GAS2L1: variants seen among roughly 807,000 people sequenced by gnomAD.
The protein encoded by GAS2L1 is GAS2-like protein 1.
Under a neutral mutation model 44.0 loss-of-function variants are expected in GAS2L1, and 26 were observed. The observed-to-expected ratio is 0.59, with a 90% CI of 0.43 to 0.82. GAS2L1 has a LOEUF of 0.82. Among genes scored for constraint, GAS2L1 ranks in the 40% least tolerant of loss-of-function variants. The pLI is 0.00. For missense variants in GAS2L1, 1,006 were observed against 983.0 expected (o/e 1.02, Z -0.31); for synonymous variants, 426 against 415.9 (o/e 1.02, Z -0.30).
chr22:29,310,327 C>T, intron 1 of GAS2L1, 112 bp from the exon 3 acceptor site: 1 of 679,966 alleles, frequency 1.5e-6, no homozygotes, highest in Non-Finnish European at 2.7e-6. Flanking sequence ...GCAACACTGC[C>T]TCCATCCACT....
At position 29,310,925 on chromosome 22, in the gene GAS2L1, C is replaced by T. The variant is rs757054075; in HGVS notation, c.937C>T (p.Arg313Cys). ...TGCTAGCCCAGTCCCTGGGAGTGAG[C>T]GCCGGGGCTCCCGGCCTGAGATGAC... is the stretch of plus-strand genomic sequence containing the variant. Residue 313 changes from arginine to cysteine, a missense_variant, in exon 4 of 5, where the codon CGC becomes TGC. By Grantham distance (180) the Arg-to-Cys change is radical. Coordinates refer to ENST00000618518, the Ensembl canonical transcript of GAS2L1. 1.4e-5 allele frequency: 23 copies of T among 1,613,506 alleles called. No individual in the cohort carries two copies. In the East Asian group the frequency reaches 4.0e-4, roughly 28 times the overall value.
At chr22:29,310,313 C>T (rs534491556) in intron 1 of GAS2L1, 126 bp from the exon 3 acceptor site, 23 of 650,762 alleles carry the variant, frequency 3.5e-5, no homozygotes, top group Admixed American at 1.3e-4. Flanking sequence ...GTACCCCATC[C>T]GGGGCAACAC....
exon 5 of GAS2L1, chr22:29,312,294 C>G: frequency 6.2e-7 from 1 of 1,608,820 alleles, no homozygotes; most frequent in Non-Finnish European, 8.5e-7. Flanking sequence ...GGGGGGGCCA[C>G]TAGATGCACC....
exon 5 of GAS2L1, chr22:29,312,033 A>T (rs1313478121): frequency 6.2e-7 from 1 of 1,612,412 alleles, no homozygotes; most frequent in East Asian, 2.2e-5. Flanking sequence ...GTTCCTGGCC[A>T]ATGCCCGGGC....
At chr22:29,311,587 G>C (rs746295461) in exon 5 of GAS2L1, 1 of 1,540,986 alleles carries the variant, frequency 6.5e-7, no homozygotes, top group South Asian at 1.2e-5. Flanking sequence ...ACTGGCCCCC[G>C]GAGGGAGCGA....
chr22:29,310,723 G>C (rs1331072959), exon 3 of GAS2L1: 13 of 1,609,194 alleles, frequency 8.1e-6, no homozygotes, highest in Non-Finnish European at 1.1e-5. Flanking sequence ...CCGTGCCGCT[G>C]CTCCTCCACT....
exon 5 of GAS2L1, chr22:29,312,602 C>G: frequency 1.3e-6 from 1 of 796,032 alleles, no homozygotes; most frequent in South Asian, 2.5e-5. Context: ...TACCAGACCT[C>G]ATGGGACCAG....
exon 3 of GAS2L1, chr22:29,310,667 G>T: frequency 6.2e-7 from 1 of 1,607,480 alleles, no homozygotes; most frequent in Non-Finnish European, 8.5e-7. Context: ...TGGTGCGAGT[G>T]GGTGGTGGCT....
rs201715173 is a variant in GAS2L1, at chr22:29,311,042, G to T, written c.1010+44G>T. 7.7e-6 allele frequency: 12 copies of T among 1,566,974 alleles called. No homozygotes were observed. In the African/African-American group the frequency reaches 1.6e-4, roughly 21 times the overall value. ...AGGAGTGAGGGGTCCAGAGGGTGGG[G>T]GGGCGTCAGCCCTGGCCTGCATGAT... On this transcript the variant is annotated intron_variant, in intron 4 of 4. Coordinates refer to ENST00000618518, the Ensembl canonical transcript of GAS2L1.
rs934556495 is a variant in GAS2L1, at chr22:29,311,695, G to C, written c.1244G>C (p.Arg415Pro). Residue 415 changes from arginine (R) to proline (P), a missense_variant, in exon 5 of 5, where the codon CGG (arginine) becomes CCG (proline). By Grantham distance (103) the Arg-to-Pro change is moderately radical. Coordinates refer to ENST00000618518, the Ensembl canonical transcript of GAS2L1. ...GACCGGCTGGATCGCGGCCGGCCCCGGGGGGCCCCAGGAGGCAGGGGAGCC... is the reference window on the plus strand; with the variant it reads ...GACCGGCTGGATCGCGGCCGGCCCCCGGGGGCCCCAGGAGGCAGGGGAGCC... 11 of 1,523,214 alleles carry C rather than the reference G, an allele frequency of 7.2e-6. No individual in the cohort carries two copies. In the East Asian group the frequency reaches 9.9e-5, roughly 14 times the overall value. The allele number at this position is 1,523,214 out of a possible 1,614,324, so 94.4% of individuals were successfully genotyped here. A position where few individuals can be genotyped will look rare whatever the true frequency, so the allele number is the denominator to read the frequency against.
chr22:29,311,436 C>A (rs1350956378), intron 4 of GAS2L1, 26 bp from the exon 6 acceptor site: 9 of 885,886 alleles, frequency 1.0e-5, no homozygotes, highest in South Asian at 5.0e-5. Context: ...GGTACCCCAT[C>A]TGTCTCTATT....
exon 1 of GAS2L1, chr22:29,307,261 C>T (rs2061359160): frequency 6.6e-6 from 1 of 152,282 alleles, no homozygotes; most frequent in Non-Finnish European, 1.5e-5. Context: ...GCTGTGTGAC[C>T]TTGGGCGGCC....
chr22:29,308,198 G>A (rs2061367527), exon 1 of GAS2L1: 2 of 1,608,454 alleles, frequency 1.2e-6, no homozygotes, highest in South Asian at 1.1e-5. Context: ...CCATGAAGGA[G>A]GACCTGGCCG....
exon 1 of GAS2L1, chr22:29,308,105 C>G: frequency 6.4e-7 from 1 of 1,554,748 alleles, no homozygotes. Flanking sequence ...CCGGTCCGGG[C>G]ATGGCAGACC....
intron 1 of GAS2L1, 146 bp from the exon 3 acceptor site, chr22:29,310,293 T>G: frequency 1.8e-6 from 1 of 556,644 alleles, no homozygotes; most frequent in Non-Finnish European, 3.2e-6. Flanking sequence ...AAAGGTCACG[T>G]GTGGAAGCTG....
intron 1 of GAS2L1, among the ~76,000 whole-genome samples, chr22:29,309,335 T>C (rs959386818): frequency 1.3e-5 from 2 of 152,222 alleles, no homozygotes; most frequent in East Asian, 1.9e-4. Flanking sequence ...ACTCTAAGCA[T>C]AGGCGTTGCT....
exon 5 of GAS2L1, chr22:29,312,549 G>T: frequency 7.4e-7 from 1 of 1,354,328 alleles, no homozygotes; most frequent in Non-Finnish European, 9.9e-7. Context: ...TTCCTTTGTG[G>T]CCTTAACCCT....
exon 5 of GAS2L1, chr22:29,311,738 C>T (rs895059632): frequency 1.4e-5 from 21 of 1,533,194 alleles, no homozygotes; most frequent in Non-Finnish European, 1.7e-5. Flanking sequence ...CGGTCCCCAG[C>T]CCTGCCCGGC....
exon 5 of GAS2L1, chr22:29,311,837 G>A: frequency 6.3e-7 from 1 of 1,592,758 alleles, no homozygotes; most frequent in Non-Finnish European, 8.5e-7. Flanking sequence ...CAAGGGGCAG[G>A]GGCAGTGGGG....
Sources: allele counts gnomAD v4.1 joint callset (sites outside exome capture counted in the v4.1 genomes callset), GRCh38; gene constraint gnomAD v4.1.1; transcripts MANE v1.5; gene names NCBI Gene and HGNC (gene_info 2026-07-23, HGNC 2026-07-21).